ATXN7L1: variants seen among roughly 807,000 people sequenced by gnomAD.
ATXN7L1 encodes ataxin-7-like protein 1.
Under a neutral mutation model 70.8 loss-of-function variants are expected in ATXN7L1, and 15 were observed. The observed-to-expected ratio is 0.21, with a 90% CI of 0.14 to 0.33. The LOEUF (loss-of-function observed/expected upper bound fraction) is 0.33, where lower values mean the gene tolerates loss of function less well. ATXN7L1 is among the 10% of genes least tolerant of loss of function. The pLI is 1.00. For missense variants in ATXN7L1, 975 were observed against 1,097.1 expected (o/e 0.89, Z 1.57); for synonymous variants, 440 against 445.1 (o/e 0.99, Z 0.14).
chr7:105,640,517 T>A (rs566933869), intron 5 of ATXN7L1, among the ~76,000 whole-genome samples: 1 of 152,318 alleles, frequency 6.6e-6, no homozygotes, highest in Non-Finnish European at 1.5e-5. Context: ...AATGAGGGGA[T>A]GTGAGGTGAT....
At position 105,876,533 on chromosome 7, in the gene ATXN7L1, G is replaced by A. The variant is rs762277618; in HGVS notation, c.26C>T (p.Pro9Leu). 3 of 1,604,116 alleles carry A rather than the reference G, an allele frequency of 1.9e-6. No homozygotes were observed. The highest frequency in any genetic ancestry group is 1.7e-6 in the Non-Finnish European group (2 of 1,174,272). ...TTCGGCAGCAGCAGCCGAGAGACACGGGATTCGAGAACGCTCCGACGTCAT... is the reference window on the plus strand; with the variant it reads ...TTCGGCAGCAGCAGCCGAGAGACACAGGATTCGAGAACGCTCCGACGTCAT... MTSERSRI[P>L]CLSAAAAEGT... The change falls in exon 1 of 12, where the codon CCG becomes CTG. Residue 9 changes from proline (P) to leucine (L), a missense_variant. Coordinates refer to ENST00000419735, the MANE Select transcript of ATXN7L1 (RefSeq NM_020725.2).
chr7:105,665,188 G>C lies in ATXN7L1; in HGVS notation c.456C>G (p.Leu152=), dbSNP rs766624976. ...SLVQVKTKAC[L]SGHHSASSTS... Reference sequence around the variant, plus strand: ...TGCTGCTGGCAGAGTGATGGCCGCTGAGACAGGCTTTTGTTTTCACCTGTA... The same window carrying C: ...TGCTGCTGGCAGAGTGATGGCCGCTCAGACAGGCTTTTGTTTTCACCTGTA... The change falls in exon 4 of 12, where the codon CTC becomes CTG. Residue 152 remains leucine, a synonymous_variant. Transcript: ENST00000419735. 3 of 1,551,722 alleles carry C rather than the reference G, an allele frequency of 1.9e-6. No homozygotes were observed. The South Asian group carries it at 3.6e-5, about 18-fold the overall frequency.
At chr7:105,684,242 C>A (rs1289684429) in intron 3 of ATXN7L1, among the ~76,000 whole-genome samples, 1 of 152,222 alleles carries the variant, frequency 6.6e-6, no homozygotes, top group African/African-American at 2.4e-5. Context: ...CCAGTCTAAT[C>A]CCCCTTCCAT....
chr7:105,855,686 C>G (rs1235572415), intron 2 of ATXN7L1, among the ~76,000 whole-genome samples: 1 of 152,178 alleles, frequency 6.6e-6, no homozygotes, highest in Non-Finnish European at 1.5e-5. Flanking sequence ...AGTTCCACAT[C>G]TGCAGTTTCA....
chr7:105,747,217 C>T (rs1798685689), intron 3 of ATXN7L1, among the ~76,000 whole-genome samples: 1 of 152,158 alleles, frequency 6.6e-6, no homozygotes, highest in Admixed American at 6.5e-5. Context: ...ACTTTCAGCT[C>T]CACCTGCCAA....
Position 105,680,195 on chromosome 7 carries a change from A to T in ATXN7L1, c.356-14907T>A, listed in dbSNP as rs77390345. On this transcript the variant is annotated intron_variant, in intron 3 of 11. Transcript: ENST00000419735. ...CAGCACTCCCTCACGTCATGATCAC[A>T]TACTTCCTCTCATCACACACAAGCT... Among the ~76,000 whole-genome samples, 772 of 152,288 alleles carry T rather than the reference A, an allele frequency of 5.1e-3. 4 individuals are homozygous for T. The highest frequency in any genetic ancestry group is 8.6e-3 in the Admixed American group (132 of 15,302).
chr7:105,782,465 T>C (rs1803671380), intron 3 of ATXN7L1, among the ~76,000 whole-genome samples: 1 of 152,210 alleles, frequency 6.6e-6, no homozygotes, highest in Admixed American at 6.5e-5. Flanking sequence ...CCATCCCTAA[T>C]GGGGTGACAC....
intron 2 of ATXN7L1, among the ~76,000 whole-genome samples, chr7:105,802,329 T>C (rs1399785414): frequency 6.6e-6 from 1 of 152,104 alleles, no homozygotes; most frequent in Non-Finnish European, 1.5e-5. Flanking sequence ...ATCTCTGGGT[T>C]CAGAGGTAAG....
intron 3 of ATXN7L1, among the ~76,000 whole-genome samples, chr7:105,722,771 A>G (rs1330538364): frequency 2.0e-5 from 3 of 151,432 alleles, no homozygotes; most frequent in Non-Finnish European, 4.4e-5. Flanking sequence ...TGTAATCCCC[A>G]CTACTCGGGA....
At chr7:105,660,260 T>C (rs913096615) in intron 4 of ATXN7L1, among the ~76,000 whole-genome samples, 8 of 152,132 alleles carry the variant, frequency 5.3e-5, no homozygotes, top group African/African-American at 1.7e-4. Flanking sequence ...CCAGACTACA[T>C]GAGAAAACTG....
chr7:105,841,367 T>C (rs1025690329), intron 2 of ATXN7L1, among the ~76,000 whole-genome samples: 1 of 152,254 alleles, frequency 6.6e-6, no homozygotes, highest in African/African-American at 2.4e-5. Flanking sequence ...CAGTCCTTGC[T>C]TATCCACGGT....
intron 3 of ATXN7L1, among the ~76,000 whole-genome samples, chr7:105,684,568 C>T (rs925274976): frequency 6.6e-6 from 1 of 152,240 alleles, no homozygotes; most frequent in Admixed American, 6.5e-5. Flanking sequence ...TGCCAAGCTG[C>T]AAATCCACAG....
chr7:105,757,270 A>C (rs1484756269), intron 3 of ATXN7L1, among the ~76,000 whole-genome samples: 2 of 152,204 alleles, frequency 1.3e-5, no homozygotes, highest in African/African-American at 4.8e-5. Context: ...TAAGGACAAA[A>C]AGGGATAGGG....
At chr7:105,676,480 G>A (rs1453911775) in intron 3 of ATXN7L1, among the ~76,000 whole-genome samples, 1 of 152,168 alleles carries the variant, frequency 6.6e-6, no homozygotes, top group South Asian at 2.1e-4. Flanking sequence ...CCTGGGCACG[G>A]GGGAGCCACA....
intron 3 of ATXN7L1, among the ~76,000 whole-genome samples, chr7:105,761,910 T>C (rs1017605627): frequency 6.6e-6 from 1 of 152,226 alleles, no homozygotes; most frequent in Non-Finnish European, 1.5e-5. Flanking sequence ...TCCTTCTCAG[T>C]GTAAAATCAT....
At chr7:105,829,335 C>T (rs1461845621) in intron 2 of ATXN7L1, among the ~76,000 whole-genome samples, 6 of 152,032 alleles carry the variant, frequency 3.9e-5, no homozygotes, top group Admixed American at 2.6e-4. Context: ...CCCAGCTACG[C>T]GGGAGGCTGA....
At chr7:105,713,563 A>G (rs1367414892) in intron 3 of ATXN7L1, among the ~76,000 whole-genome samples, 1 of 152,256 alleles carries the variant, frequency 6.6e-6, no homozygotes, top group Non-Finnish European at 1.5e-5. Context: ...GACATTAAAT[A>G]AAAAGCTGCA....
chr7:105,768,514 T>C (rs1801572284), intron 3 of ATXN7L1, among the ~76,000 whole-genome samples: 1 of 152,234 alleles, frequency 6.6e-6, no homozygotes, highest in Admixed American at 6.5e-5. Context: ...CTCTAAGCTT[T>C]GGTGGCAAGG....
In ATXN7L1 at chr7:105,753,086, C is replaced by T. The variant is rs180811905; in HGVS notation, c.355+35518G>A. Among the ~76,000 whole-genome samples the T allele has an allele frequency of 5.9e-5, 9 of 152,340 alleles. No individual in the cohort carries two copies. The East Asian group carries it at 1.5e-3, about 26-fold the overall frequency. On this transcript the variant is annotated intron_variant, in intron 3 of 11. Transcript: ENST00000419735. ...AACACTTAACCACTGTGATGTGAGC[C>T]ACAGAGCTGGTGAGAGCCAGTGCTG...
Sources: allele counts gnomAD v4.1 joint callset (sites outside exome capture counted in the v4.1 genomes callset), GRCh38; gene constraint gnomAD v4.1.1; transcripts MANE v1.5; gene names NCBI Gene and HGNC (gene_info 2026-07-23, HGNC 2026-07-21).